Variants in FGFR4 observed in about 807,000 individuals in gnomAD.
FGFR4 encodes fibroblast growth factor receptor 4, also known as hydroxyaryl-protein kinase.
FGFR4 carries 63 observed loss-of-function variants against 89.9 expected under a neutral mutation model. That is an observed-to-expected ratio of 0.70 (90% CI 0.57 to 0.86). The LOEUF is 0.86. FGFR4 is among the 40% of genes least tolerant of loss of function. The pLI is 0.00. For missense variants in FGFR4, 928 were observed against 1,106.7 expected, an observed-to-expected ratio of 0.84 and a Z score of 2.29; for synonymous variants, 486 against 479.4, an observed-to-expected ratio of 1.01 and a Z score of -0.18.
chr5:177,095,313 G>T lies in FGFR4; in HGVS notation c.1520-17G>T, dbSNP rs373586989. ...AGTTGGAGGGCAGCCTCTTCACCCCGTCTGCTGCCCTTACAGACAACGCCT... is the reference window on the plus strand; with the variant it reads ...AGTTGGAGGGCAGCCTCTTCACCCCTTCTGCTGCCCTTACAGACAACGCCT... On this transcript the variant is annotated splice_polypyrimidine_tract_variant and intron_variant, in intron 11 of 17. Transcript: ENST00000292408. This position sits in a 1 kb window ranked among gnomAD's most constrained non-coding sequence, Gnocchi z 5.7. The T allele has an allele frequency of 6.2e-7, 1 of 1,605,158 alleles. No individual in the cohort carries two copies. Among genetic ancestry groups the T allele is most frequent in the East Asian group, 2.2e-5 (1 of 44,822 alleles).
In FGFR4 at chr5:177,096,665, A is replaced by G. The variant is rs1292340652; in HGVS notation, c.2077A>G (p.Ile693Val). ...CCTCGGGGGCTCCCCGTATCCTGGCATCCCGGTGGAGGAGCTGTTCTCGCT... is the reference window on the plus strand; with the variant it reads ...CCTCGGGGGCTCCCCGTATCCTGGCGTCCCGGTGGAGGAGCTGTTCTCGCT... ...FTLGGSPYPG[I>V]PVEELFSLLR... is the part of the protein sequence containing the mutation. The change falls in exon 16 of 18, where the codon ATC becomes GTC. Residue 693 changes from isoleucine (I) to valine (V), a missense_variant. Physicochemically the swap from Ile to Val is conservative, Grantham distance 29. Transcript: ENST00000292408. 1.2e-6 allele frequency: 2 copies of G among 1,611,852 alleles called. No homozygotes were observed. The highest frequency in any genetic ancestry group is 4.5e-5 in the East Asian group (2 of 44,808).
At chr5:177,090,689 G>A in intron 3 of FGFR4, 36 bp downstream of exon 3, 1 of 1,540,754 alleles carries the variant, frequency 6.5e-7, no homozygotes, top group Non-Finnish European at 8.7e-7. Context: ...GGGATGCCTG[G>A]GGAGACAGAC....
rs1784370905 is a variant in FGFR4 at position 177,091,671 on chromosome 5, C to T, written c.604-14C>T. 7 of 1,613,818 alleles carry T rather than the reference C, an allele frequency of 4.3e-6. No homozygotes were observed. The highest frequency in any genetic ancestry group is 1.7e-5 in the Admixed American group (1 of 59,998). Reference sequence around the variant, plus strand: ...ACATGGTCCGGTGGTCCCGGACACTCTCTCTGCCTGCAGCTGCGCCATCAG... The same window carrying T: ...ACATGGTCCGGTGGTCCCGGACACTTTCTCTGCCTGCAGCTGCGCCATCAG... On this transcript the variant is annotated splice_polypyrimidine_tract_variant and intron_variant, in intron 5 of 17. Coordinates refer to ENST00000292408, the MANE Select transcript of FGFR4 (RefSeq NM_213647.3).
At position 177,091,823 on chromosome 5, in the gene FGFR4, G is replaced by A. The variant is rs1234756288; in HGVS notation, c.727+15G>A. The A allele has an allele frequency of 6.2e-6, 10 of 1,613,816 alleles. No homozygotes were observed. Among genetic ancestry groups the A allele is most frequent in the Admixed American group, 1.7e-5 (1 of 60,012 alleles). On this transcript the variant is annotated intron_variant, in intron 6 of 17. Coordinates refer to ENST00000292408, the MANE Select transcript of FGFR4 (RefSeq NM_213647.3). ...AGATGTGCTGGGTGAGCGCGGGGCT[G>A]GGAACAGGGGAGGCCTGACCCATTT...
rs757865076 is a variant in FGFR4, at chr5:177,095,515, C to T, written c.1631-18C>T. 3.1e-6 allele frequency: 5 copies of T among 1,611,880 alleles called. No homozygotes were observed. Among genetic ancestry groups the T allele is most frequent in the Middle Eastern group, 1.7e-4 (1 of 5,918 alleles). ...AAGCTTTGGCAGCCTCTCCACGCTCCCTCCACTCCCTCTGCAGGGCCCCTG... is the reference window on the plus strand; with the variant it reads ...AAGCTTTGGCAGCCTCTCCACGCTCTCTCCACTCCCTCTGCAGGGCCCCTG... On this transcript the variant is annotated intron_variant, in intron 12 of 17. Coordinates refer to ENST00000292408, the MANE Select transcript of FGFR4 (RefSeq NM_213647.3). The surrounding 1 kb of genome is among the most constrained non-coding windows in gnomAD (Gnocchi z 5.7).
chr5:177,093,903 CA>C lies in FGFR4; in HGVS notation c.1519+138del, dbSNP rs201671229. 7,054 of 922,188 alleles carry C rather than the reference CA, an allele frequency of 7.6e-3. 1 individual carries two copies. The highest frequency in any genetic ancestry group is 0.013 in the South Asian group (584 of 46,096). 57.1% of individuals were successfully genotyped at this position (922,188 alleles called of 1,614,324 possible). A position where few individuals can be genotyped will look rare whatever the true frequency, so the allele number is the denominator to read the frequency against. ...GCAACATGGCAAGACTTCATCTCTACAAAAAAAAAATAAGAAAATTAGTTGG... is the reference window on the plus strand; with the variant it reads ...GCAACATGGCAAGACTTCATCTCTACAAAAAAAAATAAGAAAATTAGTTGG... On this transcript the variant is annotated intron_variant, in intron 11 of 17. Transcript: ENST00000292408. This position sits in a 1 kb window ranked among gnomAD's most constrained non-coding sequence, Gnocchi z 5.8.
chr5:177,090,104 GTGTGTGTGTCCGTA>G (rs767695684), intron 2 of FGFR4: 35 of 672,650 alleles, frequency 5.2e-5, no homozygotes, highest in Non-Finnish European at 5.4e-5. Flanking sequence ...TGCCTTGTGT[GTGTGTGTGTCCGTA>G]TGTGTGTGTG....
In FGFR4 at chr5:177,095,258, C is replaced by T; in HGVS notation, c.1520-72C>T. On this transcript the variant is annotated intron_variant, in intron 11 of 17. Transcript: ENST00000292408. This position sits in a 1 kb window ranked among gnomAD's most constrained non-coding sequence, Gnocchi z 5.7. ...TAGCCCTGGTCCAGTGCTGCTTGTC[C>T]TGCACCTGCCTCTGCATGCTCCCTC... 4 of 1,279,436 alleles carry T rather than the reference C, an allele frequency of 3.1e-6. No individual in the cohort carries two copies. The highest frequency in any genetic ancestry group is 4.6e-6 in the Non-Finnish European group (4 of 877,792). The allele number at this position is 1,279,436 out of a possible 1,614,324, so 79.3% of individuals were successfully genotyped here. A position where few individuals can be genotyped will look rare whatever the true frequency, so the allele number is the denominator to read the frequency against.
At chr5:177,089,100 G>A (rs551826306) in intron 1 of FGFR4, among the ~76,000 whole-genome samples, 44 of 152,340 alleles carry the variant, frequency 2.9e-4, no homozygotes, top group African/African-American at 9.9e-4. Flanking sequence ...AATGCTGTAA[G>A]GAGTGGGGAT....
intron 5 of FGFR4, 27 bp from the exon 6 acceptor site, chr5:177,091,658 G>T: frequency 1.9e-6 from 3 of 1,612,924 alleles, no homozygotes; most frequent in South Asian, 1.1e-5. Flanking sequence ...ATGGTCCGGT[G>T]GTCCCGGACA....
Position 177,095,233 on chromosome 5 carries a change from T to C in FGFR4, c.1520-97T>C. 1 of 980,026 alleles carries C rather than the reference T, an allele frequency of 1.0e-6. No homozygotes were observed. The highest frequency in any genetic ancestry group is 1.3e-5 in the South Asian group (1 of 75,818). The allele number at this position is 980,026 out of a possible 1,614,324, so 60.7% of individuals were successfully genotyped here. On this transcript the variant is annotated intron_variant, in intron 11 of 17. Coordinates refer to ENST00000292408, the MANE Select transcript of FGFR4 (RefSeq NM_213647.3). This position sits in a 1 kb window ranked among gnomAD's most constrained non-coding sequence, Gnocchi z 5.7. Reference sequence around the variant, plus strand: ...GCAAGGATTCAGCCCTAGACCTACGTAGCCCTGGTCCAGTGCTGCTTGTCC... The same window carrying C: ...GCAAGGATTCAGCCCTAGACCTACGCAGCCCTGGTCCAGTGCTGCTTGTCC...
chr5:177,096,562 G>A (rs187715226), intron 15 of FGFR4, 42 bp from the exon 16 acceptor site: 1 of 1,609,080 alleles, frequency 6.2e-7, no homozygotes. Context: ...CCCGGTCGTC[G>A]GGAGGGCGCT....
In FGFR4 at chr5:177,093,190, C is replaced by T. The variant is rs1273619781; in HGVS notation, c.1110C>T (p.Ile370=). The T allele has an allele frequency of 6.2e-7, 1 of 1,613,280 alleles. No individual in the cohort carries two copies. The highest frequency in any genetic ancestry group is 1.7e-5 in the Admixed American group (1 of 60,000). ...AAAPEARYTD[I]ILYASGSLAL... ...CGCCCGAGGCCAGGTATACGGACAT[C>T]ATCCTGTACGCGTCGGGCTCCCTGG... is the stretch of plus-strand genomic sequence containing the variant. Residue 370 remains isoleucine, a synonymous_variant, in exon 9 of 18, where the codon ATC becomes ATT. Coordinates refer to ENST00000292408, the MANE Select transcript of FGFR4 (RefSeq NM_213647.3). The surrounding 1 kb of genome is among the most constrained non-coding windows in gnomAD (Gnocchi z 5.8).
At chr5:177,097,135 C>T (rs1784632309) in intron 16 of FGFR4, 157 bp from the exon 17 acceptor site, 1 of 584,714 alleles carries the variant, frequency 1.7e-6, no homozygotes, top group Admixed American at 2.9e-5. Context: ...TCCTCCTCCT[C>T]AGCCTAGTGG....
rs147384774 is a variant in FGFR4 at position 177,097,626 on chromosome 5, C to A, written c.2359C>A (p.Leu787Met). The change falls in exon 18 of 18, where the codon CTG becomes ATG. Residue 787 changes from leucine (L) to methionine (M), a missense_variant. Leu to Met is a conservative substitution (Grantham distance 15). This residue lies in a region of FGFR4 where 129 missense variants were observed against 150.8 expected (regional missense o/e 0.86). Coordinates refer to ENST00000292408, the MANE Select transcript of FGFR4 (RefSeq NM_213647.3). ...CGATTCTGTCTTCAGCCACGACCCCCTGCCATTGGGATCCAGCTCCTTCCC... is the reference window on the plus strand; with the variant it reads ...CGATTCTGTCTTCAGCCACGACCCCATGCCATTGGGATCCAGCTCCTTCCC... ...SSDSVFSHDP[L>M]PLGSSSFPFG... 203 of 1,614,234 alleles carry A rather than the reference C, an allele frequency of 1.3e-4. No homozygotes were observed. The African/African-American group carries it at 2.1e-3, about 17-fold the overall frequency.
chr5:177,096,317 G>A lies in FGFR4; in HGVS notation c.1975G>A (p.Glu659Lys), dbSNP rs2149738845. ...GRLPVKWMAP[E>K]ALFDRVYTHQ... ...CCTGCCTGTGAAGTGGATGGCGCCC[G>A]AGGCCTTGTTTGACCGGGTGTACAC... Residue 659 changes from glutamate (E) to lysine (K), a missense_variant, in exon 15 of 18, where the codon GAG becomes AAG. Physicochemically the swap from Glu to Lys is moderately conservative, Grantham distance 56. Transcript: ENST00000292408. The A allele has an allele frequency of 2.5e-6, 4 of 1,614,064 alleles. No homozygotes were observed. The highest frequency in any genetic ancestry group is 2.2e-5 in the East Asian group (1 of 44,884).
At position 177,089,716 on chromosome 5, in the gene FGFR4, G is replaced by T. The variant is rs762716388; in HGVS notation, c.91+23G>T. On this transcript the variant is annotated intron_variant, in intron 2 of 17. Coordinates refer to ENST00000292408, the MANE Select transcript of FGFR4 (RefSeq NM_213647.3). ...TTGGTATGGCTTCTGAGGTGGGAGA[G>T]GGTGGCAGGGGTGGGAAGAGTGGGC... The T allele has an allele frequency of 4.6e-5, 74 of 1,609,724 alleles. 1 individual carries two copies. The South Asian group carries it at 8.0e-4, about 17-fold the overall frequency.
At chr5:177,096,839 T>A in intron 16 of FGFR4, 98 bp downstream of exon 16, 1 of 1,366,292 alleles carries the variant, frequency 7.3e-7, no homozygotes, top group Non-Finnish European at 9.9e-7. Flanking sequence ...AGGACAACAC[T>A]AACAACAACT....
intron 2 of FGFR4, chr5:177,090,072 T>C (rs1414731663): frequency 6.0e-6 from 4 of 669,126 alleles, no homozygotes; most frequent in Non-Finnish European, 1.1e-5. Context: ...AGCATGACCC[T>C]GTATGTGGCA....
Sources: allele counts gnomAD v4.1 joint callset (sites outside exome capture counted in the v4.1 genomes callset), GRCh38; gene constraint gnomAD v4.1.1; regional missense constraint gnomAD v4.1.1; non-coding constraint Gnocchi (gnomAD v3.1); transcripts MANE v1.5; gene names NCBI Gene and HGNC (gene_info 2026-07-23, HGNC 2026-07-21).